CATSPER3: variants seen among roughly 807,000 people sequenced by gnomAD.
CATSPER3 encodes the protein cation channel sperm-associated protein 3.
CATSPER3 carries 23 observed loss-of-function variants against 36.6 expected under a neutral mutation model. That is an observed-to-expected ratio of 0.63 (90% CI 0.45 to 0.89). The LOEUF is 0.89. Among genes scored for constraint, CATSPER3 ranks in the 40% least tolerant of loss-of-function variants. The pLI is 0.00. For synonymous variants in CATSPER3, 172 were observed against 184.1 expected (o/e 0.93, Z 0.53); for missense variants, 474 against 503.9 (o/e 0.94, Z 0.57).
chr5:134,978,593 A>G (rs897408298), intron 2 of CATSPER3, among the ~76,000 whole-genome samples: 4 of 152,202 alleles, frequency 2.6e-5, no homozygotes, highest in Non-Finnish European at 5.9e-5. Context: ...ATTTAACATC[A>G]TACTGGAAGT....
At chr5:135,005,028 G>A (rs929191054) in intron 3 of CATSPER3, among the ~76,000 whole-genome samples, 11 of 152,100 alleles carry the variant, frequency 7.2e-5, no homozygotes, top group Non-Finnish European at 1.6e-4. Context: ...GGAGGGCAGG[G>A]GGCTGAGGAA....
chr5:135,001,004 T>A (rs1299772104), intron 3 of CATSPER3, among the ~76,000 whole-genome samples: 6 of 152,366 alleles, frequency 3.9e-5, no homozygotes, highest in African/African-American at 1.4e-4. Flanking sequence ...CTAGTTTTTT[T>A]AATTGTGATG....
chr5:134,987,761 CA>C (rs949739557), intron 2 of CATSPER3, among the ~76,000 whole-genome samples: 1 of 151,762 alleles, frequency 6.6e-6, no homozygotes, highest in Admixed American at 6.6e-5. Context: ...TTTCATTATA[CA>C]AAAAAAATTA....
At chr5:134,996,156 T>G in intron 2 of CATSPER3, 117 bp from the exon 3 acceptor site, 1 of 1,292,340 alleles carries the variant, frequency 7.7e-7, no homozygotes, top group Non-Finnish European at 1.1e-6. Flanking sequence ...CTGCCTGGGT[T>G]TCTCTCTCAT....
In CATSPER3 at chr5:134,993,774, C is replaced by T. The variant is rs1374861468; in HGVS notation, c.253-2499C>T. Among the ~76,000 whole-genome samples the T allele has an allele frequency of 3.3e-5, 5 of 152,126 alleles. No individual in the cohort carries two copies. In the East Asian group the frequency reaches 9.6e-4, roughly 29 times the overall value. The stretch of plus-strand genomic sequence containing the variant: ...TTGTCTTAGTTTAAAATTTCTACTG[C>T]CCAAAACAAACTAACCTGGACTATA... On this transcript the variant is annotated intron_variant, in intron 2 of 7. Coordinates refer to ENST00000282611, the MANE Select transcript of CATSPER3 (RefSeq NM_178019.3).
Position 135,010,994 on chromosome 5 carries a change from C to T in CATSPER3, c.1094+464C>T, listed in dbSNP as rs1181808720. Among the ~76,000 whole-genome samples, 17 of 152,306 alleles carry T rather than the reference C, an allele frequency of 1.1e-4. No homozygotes were observed. The South Asian group carries it at 3.3e-3, about 30-fold the overall frequency. On this transcript the variant is annotated intron_variant, in intron 7 of 7. Transcript: ENST00000282611. Reference sequence around the variant, plus strand: ...ATGTGAAGCTCTGAGTGTGGCCTGGCCCAGGGCTTGTGCTCAGTGTGAGTC... The same window carrying T: ...ATGTGAAGCTCTGAGTGTGGCCTGGTCCAGGGCTTGTGCTCAGTGTGAGTC...
At chr5:135,002,910 A>G (rs1752039937) in intron 3 of CATSPER3, among the ~76,000 whole-genome samples, 1 of 152,200 alleles carries the variant, frequency 6.6e-6, no homozygotes, top group Admixed American at 6.5e-5. Context: ...ATCCTCCTTT[A>G]GCTTGGAGAA....
At chr5:135,001,161 TC>T (rs898149373) in intron 3 of CATSPER3, among the ~76,000 whole-genome samples, 7 of 152,242 alleles carry the variant, frequency 4.6e-5, no homozygotes, top group Non-Finnish European at 2.9e-5. Flanking sequence ...CATCTTTATT[TC>T]TGCATTCATT....
At chr5:134,972,516 T>C (rs1580901628) in intron 2 of CATSPER3, among the ~76,000 whole-genome samples, 1 of 152,098 alleles carries the variant, frequency 6.6e-6, no homozygotes, top group Non-Finnish European at 1.5e-5. Context: ...TAAAATAGAC[T>C]AAGCAATTAA....
intron 2 of CATSPER3, among the ~76,000 whole-genome samples, chr5:134,971,110 C>T (rs557285075): frequency 9.1e-4 from 139 of 152,042 alleles, no homozygotes; most frequent in Non-Finnish European, 1.6e-3. Flanking sequence ...CCACAACGCC[C>T]GGCTAATTTT....
At chr5:135,001,742 T>G (rs1752022350) in intron 3 of CATSPER3, among the ~76,000 whole-genome samples, 1 of 152,206 alleles carries the variant, frequency 6.6e-6, no homozygotes, top group Non-Finnish European at 1.5e-5. Context: ...CTTTTGATCT[T>G]TGTTGGTTTA....
In CATSPER3 at chr5:134,983,014, A is replaced by T. The variant is rs553992477; in HGVS notation, c.252+12922A>T. Among the ~76,000 whole-genome samples the T allele has an allele frequency of 4.9e-4, 75 of 152,336 alleles. 1 individual carries two copies. The highest frequency in any genetic ancestry group is 1.5e-3 in the African/African-American group (62 of 41,590). On this transcript the variant is annotated intron_variant, in intron 2 of 7. Coordinates refer to ENST00000282611, the MANE Select transcript of CATSPER3 (RefSeq NM_178019.3). ...TTGTTATAAATTTAAGAGGTTAATT[A>T]TAATCCAAAGGGTAAGCACTAAGGG...
At chr5:135,000,251 T>G (rs1258418900) in intron 3 of CATSPER3, among the ~76,000 whole-genome samples, 1 of 152,268 alleles carries the variant, frequency 6.6e-6, no homozygotes, top group Non-Finnish European at 1.5e-5. Flanking sequence ...GATGCAGCCT[T>G]GCATCCCAGG....
Position 134,996,266 on chromosome 5 carries a change from C to T in CATSPER3, c.253-7C>T, listed in dbSNP as rs760794775. The T allele has an allele frequency of 8.1e-6, 13 of 1,614,094 alleles. No individual in the cohort carries two copies. Among genetic ancestry groups the T allele is most frequent in the East Asian group, 6.7e-5 (3 of 44,898 alleles). On this transcript the variant is annotated splice_region_variant and splice_polypyrimidine_tract_variant and intron_variant, in intron 2 of 7. Coordinates refer to ENST00000282611, the MANE Select transcript of CATSPER3 (RefSeq NM_178019.3). ...TCTGACTTCTCCAACCCTTGCTACC[C>T]CTGTAGTTCTCGGAGATCTTCTTTG...
intron 2 of CATSPER3, among the ~76,000 whole-genome samples, chr5:134,977,273 C>G (rs1433582859): frequency 1.3e-5 from 2 of 152,238 alleles, no homozygotes; most frequent in East Asian, 3.8e-4. Context: ...ACTTTAACCT[C>G]TCCTTTCCTC....
chr5:134,984,250 A>C (rs1381110139), intron 2 of CATSPER3, among the ~76,000 whole-genome samples: 1 of 152,224 alleles, frequency 6.6e-6, no homozygotes, highest in East Asian at 1.9e-4. Flanking sequence ...TTGAGACCCC[A>C]AAAGCAAATG....
At chr5:134,975,709 C>G (rs1477947665) in intron 2 of CATSPER3, among the ~76,000 whole-genome samples, 1 of 152,216 alleles carries the variant, frequency 6.6e-6, no homozygotes, top group Non-Finnish European at 1.5e-5. Context: ...CTGTTATGGA[C>G]AACATTATGG....
chr5:135,002,937 C>G (rs566760923), intron 3 of CATSPER3, among the ~76,000 whole-genome samples: 1 of 152,258 alleles, frequency 6.6e-6, no homozygotes, highest in Non-Finnish European at 1.5e-5. Context: ...TCGTCTGAAG[C>G]CTTCTTCTCT....
rs116304998 is a variant in CATSPER3, at chr5:134,976,640, T to C, written c.252+6548T>C. Among the ~76,000 whole-genome samples the C allele has an allele frequency of 8.7e-3, 1,330 of 152,368 alleles. 14 individuals are homozygous for C. Among genetic ancestry groups the C allele is most frequent in the African/African-American group, 0.03 (1,266 of 41,592 alleles). The stretch of plus-strand genomic sequence containing the variant: ...CACTAGGCAGTGCCCTAGTGGAGAC[T>C]GTGTGGGGGCTCTAGCCCCAAATTT... On this transcript the variant is annotated intron_variant, in intron 2 of 7. Coordinates refer to ENST00000282611, the MANE Select transcript of CATSPER3 (RefSeq NM_178019.3).
Sources: gnomAD v4.1 joint callset for allele counts (sites outside exome capture counted in the v4.1 genomes callset) on GRCh38, gnomAD v4.1.1 for gene constraint, MANE v1.5 for transcripts, NCBI Gene and HGNC (gene_info 2026-07-23, HGNC 2026-07-21) for gene names.